Variants in DACH2 observed in about 807,000 individuals in gnomAD.
DACH2 encodes dachshund homolog 2.
Under a neutral mutation model 35.8 loss-of-function variants are expected in DACH2, and 17 were observed. That is an observed-to-expected ratio of 0.48 (90% confidence interval 0.33 to 0.71). DACH2 has a LOEUF of 0.71. Among genes scored for constraint, DACH2 ranks in the 30% least tolerant of loss-of-function variants. The probability of loss-of-function intolerance (pLI) is 0.02; values close to 1 mark genes in which losing one functional copy is unlikely to be tolerated. For synonymous variants in DACH2, 195 were observed against 177.3 expected (o/e 1.10, Z -0.79); for missense variants, 469 against 472.7 (o/e 0.99, Z 0.07).
intron 1 of DACH2, among the ~76,000 whole-genome samples, chrX:86,265,655 T>C (rs1309756071): frequency 3.6e-5 from 4 of 111,764 alleles, no homozygotes; most frequent in Non-Finnish European, 7.5e-5. Context: ...TCTTCTTGCA[T>C]CTTGTGAAAG....
chrX:86,399,848 A>T (rs2036386884), intron 2 of DACH2, among the ~76,000 whole-genome samples: 1 of 110,949 alleles, frequency 9.0e-6, no homozygotes, highest in African/African-American at 3.3e-5. Flanking sequence ...TGAATCTGAC[A>T]ATTATGTGTC....
intron 3 of DACH2, among the ~76,000 whole-genome samples, chrX:86,598,918 A>AG (rs1398810255): frequency 9.1e-6 from 1 of 109,314 alleles, no homozygotes; most frequent in Non-Finnish European, 1.9e-5. Context: ...CTCGTCATTT[A>AG]CACTAGGTAT....
chrX:86,416,166 T>G (rs2036700290), intron 2 of DACH2, among the ~76,000 whole-genome samples: 1 of 112,409 alleles, frequency 8.9e-6, no homozygotes, highest in Non-Finnish European at 1.9e-5. Flanking sequence ...AACTCTTCTT[T>G]TGTATCTGAA....
At chrX:86,208,834 G>A (rs2032377461) in intron 1 of DACH2, among the ~76,000 whole-genome samples, 1 of 111,509 alleles carries the variant, frequency 9.0e-6, no homozygotes. Flanking sequence ...AAATGGTATT[G>A]TTCCTGTTCC....
At chrX:86,818,876 T>G (rs1020594736) in intron 11 of DACH2, among the ~76,000 whole-genome samples, 2 of 109,939 alleles carry the variant, frequency 1.8e-5, no homozygotes, top group African/African-American at 6.6e-5. Flanking sequence ...TGGAAAAACA[T>G]TACATGGCCA....
At chrX:86,425,852 C>T (rs192252511) in intron 2 of DACH2, among the ~76,000 whole-genome samples, 59 of 110,268 alleles carry the variant, frequency 5.4e-4, no homozygotes, top group Admixed American at 1.8e-3. Flanking sequence ...GACAGCTCCC[C>T]GGGCAACATC....
chrX:86,644,222 A>C (rs1400448601), intron 3 of DACH2, among the ~76,000 whole-genome samples: 1 of 111,062 alleles, frequency 9.0e-6, no homozygotes, highest in Non-Finnish European at 1.9e-5. Context: ...ACTTCAGCAA[A>C]GTTGCAGGAT....
chrX:86,598,112 A>G (rs961917712), intron 3 of DACH2, among the ~76,000 whole-genome samples: 3 of 111,204 alleles, frequency 2.7e-5, no homozygotes, highest in Non-Finnish European at 3.8e-5. Context: ...TGCCCCCATG[A>G]TTCAATTACC....
At chrX:86,454,015 C>CT (rs2037429500) in intron 2 of DACH2, among the ~76,000 whole-genome samples, 1 of 111,216 alleles carries the variant, frequency 9.0e-6, no homozygotes, top group South Asian at 3.8e-4. Context: ...TGAAAAGCAG[C>CT]TTTTTTCTCC....
At position 86,533,037 on chromosome X, in the gene DACH2, T is replaced by TTTTATTTATTTATTTATTTATTTATTTA. The variant is rs1017295547; in HGVS notation, c.640+18665_640+18666insATTTATTTATTTATTTATTTATTTATTT. Among the ~76,000 whole-genome samples the TTTTATTTATTTATTTATTTATTTATTTA allele has an allele frequency of 1.2e-3, 130 of 111,162 alleles. 1 individual carries two copies. Among genetic ancestry groups the TTTTATTTATTTATTTATTTATTTATTTA allele is most frequent in the Middle Eastern group, 4.7e-3 (1 of 213 alleles). On this transcript the variant is annotated intron_variant, in intron 3 of 11. Transcript: ENST00000373125. ...GACAATTTTTTAATAACTTACATTG[T>TTTTATTTATTTATTTATTTATTTATTTA]TTTATTTATTTATTTATTTTTTAAT...
At chrX:86,688,358 G>A (rs1183622700) in intron 4 of DACH2, among the ~76,000 whole-genome samples, 1 of 111,756 alleles carries the variant, frequency 8.9e-6, no homozygotes, top group African/African-American at 3.3e-5. Flanking sequence ...AGGAAAGTCA[G>A]TTAAGAGTCT....
chrX:86,714,565 A>G lies in DACH2; in HGVS notation c.949A>G (p.Met317Val), dbSNP rs2041314147. ...LLTNRLDLPF[M>V]MMPHPLLPVS... is the part of the protein sequence containing the mutation. ...TCTTTTAGGACTGGATCTGCCATTT[A>G]TGATGATGCCTCATCCCCTACTTCC... The change falls in exon 6 of 12, where the codon ATG becomes GTG. Residue 317 changes from methionine to valine, a missense_variant. Transcript: ENST00000373125. 1 of 1,203,630 alleles carries G rather than the reference A, an allele frequency of 8.3e-7. No individual in the cohort carries two copies. Among genetic ancestry groups the G allele is most frequent in the Non-Finnish European group, 1.1e-6 (1 of 889,773 alleles).
intron 1 of DACH2, among the ~76,000 whole-genome samples, chrX:86,375,330 A>G (rs2035945818): frequency 9.8e-6 from 1 of 102,386 alleles, no homozygotes; most frequent in Non-Finnish European, 2.0e-5. Context: ...TAGTATAATT[A>G]TATATATATT....
At chrX:86,785,044 G>A (rs1164611699) in intron 7 of DACH2, among the ~76,000 whole-genome samples, 1 of 110,811 alleles carries the variant, frequency 9.0e-6, no homozygotes, top group Non-Finnish European at 1.9e-5. Context: ...TATCTAGTGA[G>A]GGGTGAAATC....
chrX:86,728,252 T>C (rs1482549239), intron 6 of DACH2, among the ~76,000 whole-genome samples: 1 of 112,165 alleles, frequency 8.9e-6, no homozygotes, highest in African/African-American at 3.2e-5. Context: ...ACCTGAGATA[T>C]CTGGCATAAG....
At chrX:86,158,263 A>T (rs2030622418) in intron 1 of DACH2, among the ~76,000 whole-genome samples, 1 of 111,170 alleles carries the variant, frequency 9.0e-6, no homozygotes, top group Admixed American at 9.6e-5. Context: ...TCCCCAGAGG[A>T]CATAAGTTAG....
In DACH2 at chrX:86,610,375, T is replaced by TTC. The variant is rs200790872; in HGVS notation, c.641-40659_641-40658dup. On this transcript the variant is annotated intron_variant, in intron 3 of 11. Coordinates refer to ENST00000373125, the MANE Select transcript of DACH2 (RefSeq NM_053281.3). The stretch of plus-strand genomic sequence containing the variant: ...CCTTCCTTCCTTCCTCTTTCTTTCT[T>TTC]TCTTTCTTTCTTTCTTTCTTTCTTT... Among the ~76,000 whole-genome samples the TTC allele has an allele frequency of 5.9e-4, 36 of 60,875 alleles. No individual in the cohort carries two copies. The South Asian group carries it at 7.5e-3, about 13-fold the overall frequency. 52.9% of individuals were successfully genotyped at this position (60,875 alleles called of 115,157 possible). A position where few individuals can be genotyped will look rare whatever the true frequency, so the allele number is the denominator to read the frequency against.
At chrX:86,338,446 A>G (rs1375914154) in intron 1 of DACH2, among the ~76,000 whole-genome samples, 1 of 112,020 alleles carries the variant, frequency 8.9e-6, no homozygotes, top group Non-Finnish European at 1.9e-5. Flanking sequence ...AACTGATTGA[A>G]CAACCTGCTC....
chrX:86,452,504 T>C (rs1418819770), intron 2 of DACH2, among the ~76,000 whole-genome samples: 1 of 111,442 alleles, frequency 9.0e-6, no homozygotes, highest in Non-Finnish European at 1.9e-5. Flanking sequence ...ATTTCAGAAC[T>C]CGTTATTTGT....
Sources: gnomAD v4.1 joint callset for allele counts (sites outside exome capture counted in the v4.1 genomes callset) on GRCh38, gnomAD v4.1.1 for gene constraint, MANE v1.5 for transcripts, NCBI Gene and HGNC (gene_info 2026-07-23, HGNC 2026-07-21) for gene names.